DLGAP2: variants seen among roughly 807,000 people sequenced by gnomAD.
The protein encoded by DLGAP2 is disks large-associated protein 2.
A neutral mutation model predicts 100.3 loss-of-function variants in DLGAP2; 26 were observed. That is an observed-to-expected ratio of 0.26 (90% CI 0.19 to 0.36). The LOEUF is 0.36. Among genes scored for constraint, DLGAP2 ranks in the 10% least tolerant of loss-of-function variants. The probability of loss-of-function intolerance (pLI) is 1.00; values close to 1 mark genes in which losing one functional copy is unlikely to be tolerated. For missense variants in DLGAP2, 1,858 were observed against 1,453.2 expected (o/e 1.28, Z -4.53); for synonymous variants, 886 against 630.1 (o/e 1.41, Z -6.08).
chr8:1,027,221 G>T (rs1308032047), intron 2 of DLGAP2, among the ~76,000 whole-genome samples: 2 of 152,354 alleles, frequency 1.3e-5, no homozygotes, highest in East Asian at 3.9e-4. Context: ...TTATAACAAA[G>T]TTAGCATATT....
chr8:1,306,074 C>CAAAAAAAAAAAAAAAAAAAAAAAAAAAAA (rs61647224), intron 3 of DLGAP2, among the ~76,000 whole-genome samples: 30 of 116,420 alleles, frequency 2.6e-4, no homozygotes, highest in East Asian at 6.3e-4. Flanking sequence ...AGAAATTAGG[C>CAAAAAAAAAAAAAAAAAAAAAAAAAAAAA]AAAAAAAAAA....
chr8:784,033 G>A (rs1821773010), intron 1 of DLGAP2, among the ~76,000 whole-genome samples: 1 of 152,098 alleles, frequency 6.6e-6, no homozygotes, highest in Admixed American at 6.5e-5. Flanking sequence ...TTCCATCCAG[G>A]TATTAATGCA....
At chr8:1,118,865 C>G (rs1454270960) in intron 2 of DLGAP2, among the ~76,000 whole-genome samples, 1 of 152,182 alleles carries the variant, frequency 6.6e-6, no homozygotes, top group Admixed American at 6.5e-5. Flanking sequence ...CTCGAAATGA[C>G]ACCAACACCT....
chr8:1,602,391 G>T (rs1216492396), intron 6 of DLGAP2, among the ~76,000 whole-genome samples: 1 of 152,336 alleles, frequency 6.6e-6, no homozygotes, highest in South Asian at 2.1e-4. Flanking sequence ...CAGCCTGGCT[G>T]CTTCAAAGTT....
intron 8 of DLGAP2, among the ~76,000 whole-genome samples, chr8:1,657,237 G>T (rs1376431542): frequency 6.6e-6 from 1 of 152,108 alleles, no homozygotes; most frequent in South Asian, 2.1e-4. Flanking sequence ...TCTCTGTCTT[G>T]ATTCATCTTC....
intron 2 of DLGAP2, among the ~76,000 whole-genome samples, chr8:1,152,298 G>A (rs1796710419): frequency 2.0e-5 from 3 of 152,278 alleles, no homozygotes; most frequent in Admixed American, 6.5e-5. Flanking sequence ...TTTTGCAAAT[G>A]CCATTTTTAA....
intron 3 of DLGAP2, among the ~76,000 whole-genome samples, chr8:1,327,588 T>C (rs1801050673): frequency 6.6e-6 from 1 of 152,204 alleles, no homozygotes; most frequent in Non-Finnish European, 1.5e-5. Flanking sequence ...CTCATGCCTG[T>C]AATCCCAGCA....
At chr8:1,444,325 G>A (rs770731094) in intron 3 of DLGAP2, among the ~76,000 whole-genome samples, 1 of 152,216 alleles carries the variant, frequency 6.6e-6, no homozygotes, top group African/African-American at 2.4e-5. Context: ...GCACTTACAC[G>A]GTATTAGAGT....
rs1201681994 is a variant in DLGAP2 at position 775,200 on chromosome 8, G to A, written c.18+37375G>A. On this transcript the variant is annotated intron_variant, in intron 1 of 14. Coordinates refer to ENST00000637795, the MANE Select transcript of DLGAP2 (RefSeq NM_001346810.2). The stretch of plus-strand genomic sequence containing the variant: ...CTTGTGATTTTTGTACATTGATTTT[G>A]TATCCTGAGACTTTGCTGAAGTTGC... Among the ~76,000 whole-genome samples the A allele has an allele frequency of 2.0e-5, 3 of 151,242 alleles. No homozygotes were observed. The South Asian group carries it at 6.2e-4, about 31-fold the overall frequency.
At chr8:1,669,439 G>C (rs1417613752) in intron 9 of DLGAP2, among the ~76,000 whole-genome samples, 1 of 152,246 alleles carries the variant, frequency 6.6e-6, no homozygotes, top group Non-Finnish European at 1.5e-5. Context: ...GGGTCAGGTA[G>C]CGCATCCCTC....
intron 2 of DLGAP2, among the ~76,000 whole-genome samples, chr8:1,195,720 CGTTT>C (rs1481184465): frequency 1.3e-5 from 2 of 152,074 alleles, no homozygotes; most frequent in Admixed American, 1.3e-4. Flanking sequence ...TATGTCAGAA[CGTTT>C]GTTTAATTTT....
intron 3 of DLGAP2, among the ~76,000 whole-genome samples, chr8:1,317,477 T>G (rs1585253642): frequency 7.1e-6 from 1 of 141,490 alleles, no homozygotes; most frequent in African/African-American, 2.8e-5. Flanking sequence ...GCAGCGTCTC[T>G]CCAACAGTGG....
chr8:1,345,284 G>A (rs369853538), intron 3 of DLGAP2, among the ~76,000 whole-genome samples: 13 of 151,778 alleles, frequency 8.6e-5, no homozygotes, highest in African/African-American at 2.7e-4. Flanking sequence ...TGCTTAAGAT[G>A]GAGGTTCAGT....
chr8:1,216,954 G>C (rs1449405883), intron 2 of DLGAP2, among the ~76,000 whole-genome samples: 2 of 152,174 alleles, frequency 1.3e-5, no homozygotes, highest in African/African-American at 4.8e-5. Context: ...GTTGCTGCTT[G>C]GTTTTTTCTT....
At chr8:1,332,128 T>A (rs988384222) in intron 3 of DLGAP2, among the ~76,000 whole-genome samples, 2 of 152,332 alleles carry the variant, frequency 1.3e-5, no homozygotes, top group Non-Finnish European at 2.9e-5. Flanking sequence ...GCAGTCAATG[T>A]GTCCTGGTGT....
intron 8 of DLGAP2, among the ~76,000 whole-genome samples, chr8:1,666,821 A>C (rs1798555570): frequency 6.6e-6 from 1 of 152,192 alleles, no homozygotes; most frequent in South Asian, 2.1e-4. Flanking sequence ...GTGGATTAGG[A>C]AAATCCACTC....
chr8:1,146,602 TGTGTGTGCATGCAC>T (rs950360069), intron 2 of DLGAP2, among the ~76,000 whole-genome samples: 10 of 152,078 alleles, frequency 6.6e-5, no homozygotes, highest in Admixed American at 2.0e-4. Flanking sequence ...CACCTGCGCA[TGTGTGTGCATGCAC>T]GTGTGTGCAT....
At chr8:875,422 C>T (rs895150032) in intron 1 of DLGAP2, among the ~76,000 whole-genome samples, 14 of 152,134 alleles carry the variant, frequency 9.2e-5, no homozygotes, top group African/African-American at 2.9e-4. Context: ...GCGGCAGTTT[C>T]CTCCATGCTA....
intron 1 of DLGAP2, among the ~76,000 whole-genome samples, chr8:896,461 A>G (rs1007309826): frequency 5.3e-5 from 8 of 152,048 alleles, no homozygotes; most frequent in African/African-American, 1.9e-4. Context: ...GGGAAGTCAC[A>G]CTAATTTTGG....
Sources: gnomAD v4.1 joint callset for allele counts (sites outside exome capture counted in the v4.1 genomes callset) on GRCh38, gnomAD v4.1.1 for gene constraint, MANE v1.5 for transcripts, NCBI Gene and HGNC (gene_info 2026-07-23, HGNC 2026-07-21) for gene names.